The following TLK1 variants were observed in gnomAD, a reference collection of about 807,000 sequenced individuals.
TLK1 encodes tousled like kinase 1, also known as serine/threonine-protein kinase tousled-like 1.
A neutral mutation model predicts 105.3 loss-of-function variants in TLK1; 24 were observed. The ratio of observed to expected loss-of-function variants is 0.23; its 90% CI spans 0.17 to 0.32. The LOEUF (loss-of-function observed/expected upper bound fraction) is 0.32. Among genes scored for constraint, TLK1 ranks in the 10% least tolerant of loss-of-function variants. The pLI is 1.00. For synonymous variants in TLK1, 321 were observed against 310.4 expected, an observed-to-expected ratio of 1.03 and a Z score of -0.36; for missense variants, 558 against 910.5, an observed-to-expected ratio of 0.61 and a Z score of 4.98.
chr2:171,066,800 A>G lies in TLK1; in HGVS notation c.331-5644T>C, dbSNP rs1317595740. 9.1e-6 allele frequency: 14 copies of G among 1,544,156 alleles called. No individual in the cohort carries two copies. The South Asian group carries it at 1.6e-4, about 17-fold the overall frequency. On this transcript the variant is annotated intron_variant, in intron 3 of 20. Transcript: ENST00000431350. ...TTATTTGTTAAACAGTATATACTAT[A>G]AAATTAGAATAAAGTTGAACTTTCT...
intron 2 of TLK1, among the ~76,000 whole-genome samples, chr2:171,099,448 C>CT (rs1689596655): frequency 6.6e-6 from 1 of 152,150 alleles, no homozygotes; most frequent in African/African-American, 2.4e-5. Flanking sequence ...TCAACCTAGA[C>CT]ATTCACCAAA....
intron 1 of TLK1, among the ~76,000 whole-genome samples, chr2:171,206,173 T>C (rs887682651): frequency 2.6e-5 from 4 of 152,242 alleles, no homozygotes; most frequent in African/African-American, 4.8e-5. Context: ...AACTGATTCC[T>C]CAACTATGTA....
intron 3 of TLK1, among the ~76,000 whole-genome samples, chr2:171,077,211 T>C (rs1379444091): frequency 6.6e-6 from 1 of 152,240 alleles, no homozygotes; most frequent in Non-Finnish European, 1.5e-5. Context: ...TTATCAGATA[T>C]GCAAGTTCAT....
At chr2:171,142,824 C>G (rs1018249069) in intron 1 of TLK1, among the ~76,000 whole-genome samples, 3 of 152,032 alleles carry the variant, frequency 2.0e-5, no homozygotes, top group African/African-American at 4.8e-5. Flanking sequence ...GAATGTTTAC[C>G]CAAAAAGACC....
intron 1 of TLK1, among the ~76,000 whole-genome samples, chr2:171,118,205 C>G (rs1461240088): frequency 6.6e-6 from 1 of 152,122 alleles, no homozygotes; most frequent in Non-Finnish European, 1.5e-5. Context: ...CTAGCCTATC[C>G]TAGTCCACTT....
chr2:171,055,047 G>C, intron 7 of TLK1, 36 bp downstream of exon 7: 1 of 1,252,200 alleles, frequency 8.0e-7, no homozygotes, highest in Non-Finnish European at 1.1e-6. Context: ...TGGTTTCTTA[G>C]AAGCCATAGA....
intron 3 of TLK1, chr2:171,066,830 T>C (rs1447370947): frequency 6.4e-7 from 1 of 1,550,518 alleles, no homozygotes; most frequent in Non-Finnish European, 8.7e-7. Context: ...CTTTCTCCCC[T>C]ACTCAAATTA....
intron 1 of TLK1, among the ~76,000 whole-genome samples, chr2:171,194,246 A>G (rs554857812): frequency 3.9e-5 from 6 of 152,276 alleles, no homozygotes; most frequent in Non-Finnish European, 8.8e-5. Flanking sequence ...TCTACATATA[A>G]TTGTGCCATT....
chr2:171,015,030 T>A, intron 12 of TLK1, 82 bp from the exon 13 acceptor site: 2 of 1,024,616 alleles, frequency 2.0e-6, no homozygotes, highest in Non-Finnish European at 3.0e-6. Context: ...CATCAATGTT[T>A]TACAGTGATG....
At chr2:171,068,076 T>C (rs573484992) in intron 3 of TLK1, among the ~76,000 whole-genome samples, 5 of 152,128 alleles carry the variant, frequency 3.3e-5, no homozygotes, top group African/African-American at 4.8e-5. Flanking sequence ...CCTGTAATTC[T>C]AGCACTTTGG....
chr2:171,131,109 A>C (rs1348185262), intron 1 of TLK1, among the ~76,000 whole-genome samples: 1 of 151,328 alleles, frequency 6.6e-6, no homozygotes, highest in Non-Finnish European at 1.5e-5. Flanking sequence ...CTATATATCT[A>C]TATATAGAGA....
At chr2:171,129,484 T>C (rs996200230) in intron 1 of TLK1, among the ~76,000 whole-genome samples, 1 of 152,114 alleles carries the variant, frequency 6.6e-6, no homozygotes, top group African/African-American at 2.4e-5. Flanking sequence ...CAAGTACTTT[T>C]TGTAAGAAGT....
At chr2:171,057,490 C>T (rs1687557899) in intron 5 of TLK1, among the ~76,000 whole-genome samples, 1 of 152,028 alleles carries the variant, frequency 6.6e-6, no homozygotes, top group Non-Finnish European at 1.5e-5. Flanking sequence ...TGACTGACCT[C>T]AACCAAAGAG....
chr2:171,012,493 T>A lies in TLK1; in HGVS notation c.1335-1039A>T, dbSNP rs10193291. On this transcript the variant is annotated intron_variant, in intron 13 of 20. Coordinates refer to ENST00000431350, the MANE Select transcript of TLK1 (RefSeq NM_012290.5). ...TGTATTTTTATTTATTTATTTATTT[T>A]TTTATTTTTTGGAGACAGAGTCTCG... 4.2e-3 allele frequency among the ~76,000 whole-genome samples: 637 copies of A among 152,238 alleles called. 7 individuals are homozygous for A. The highest frequency in any genetic ancestry group is 0.013 in the African/African-American group (521 of 41,522).
At chr2:171,163,867 A>G (rs1465132749), upstream of TLK1, among the ~76,000 whole-genome samples, 4 of 152,136 alleles carry the variant, frequency 2.6e-5, no homozygotes, top group Non-Finnish European at 5.9e-5. Context: ...CTGGGACTGC[A>G]GATGCCTATC....
At chr2:171,071,190 T>G (rs914352856) in intron 3 of TLK1, among the ~76,000 whole-genome samples, 2 of 152,238 alleles carry the variant, frequency 1.3e-5, no homozygotes, top group Non-Finnish European at 2.9e-5. Flanking sequence ...GTCAGATGGA[T>G]AGTTTGCAAA....
rs190259727 is a variant in TLK1 at position 171,116,632 on chromosome 2, G to A, written c.258+1107C>T. Among the ~76,000 whole-genome samples the A allele has an allele frequency of 3.5e-3, 526 of 151,800 alleles. 6 individuals carry two copies. The highest frequency in any genetic ancestry group is 0.012 in the African/African-American group (488 of 41,414). On this transcript the variant is annotated intron_variant, in intron 2 of 20. Coordinates refer to ENST00000431350, the MANE Select transcript of TLK1 (RefSeq NM_012290.5). ...GGAGAATCGCTTGAACCTGGGAGGC[G>A]GAGGTTGCAGTGAGCCAAGATCATG...
At chr2:171,010,802 G>T (rs552130782) in intron 14 of TLK1, among the ~76,000 whole-genome samples, 1 of 152,108 alleles carries the variant, frequency 6.6e-6, no homozygotes, top group Admixed American at 6.5e-5. Flanking sequence ...TAAGTGTACT[G>T]TATTAAATGG....
chr2:171,189,754 G>T (rs1438429237), intron 1 of TLK1, among the ~76,000 whole-genome samples: 1 of 152,146 alleles, frequency 6.6e-6, no homozygotes, highest in African/African-American at 2.4e-5. Flanking sequence ...ATCTTTCTGT[G>T]CCTTTCCCTT....
Sources: allele counts gnomAD v4.1 joint callset (sites outside exome capture counted in the v4.1 genomes callset), GRCh38; gene constraint gnomAD v4.1.1; transcripts MANE v1.5; gene names NCBI Gene and HGNC (gene_info 2026-07-23, HGNC 2026-07-21).